The following ZNF831 variants were observed in gnomAD, a reference collection of about 807,000 sequenced individuals.
ZNF831 encodes the protein chromosome 20 open reading frame 174.
Under a neutral mutation model 95.8 loss-of-function variants are expected in ZNF831, and 59 were observed. That is an observed-to-expected ratio of 0.62 (90% CI 0.50 to 0.77). ZNF831 has a LOEUF of 0.77. Ranked by LOEUF, ZNF831 falls within the 30% of genes least tolerant of loss-of-function variation. The probability of loss-of-function intolerance (pLI) is 0.00; values close to 1 mark genes in which losing one functional copy is unlikely to be tolerated. For missense variants in ZNF831, 2,205 were observed against 2,164.0 expected (o/e 1.02, Z -0.38); for synonymous variants, 961 against 925.5 (o/e 1.04, Z -0.70).
At position 59,253,086 on chromosome 20, in the gene ZNF831, C is replaced by T. The variant is rs1351858351; in HGVS notation, c.4136C>T (p.Ser1379Phe). 2 of 1,614,012 alleles carry T rather than the reference C, an allele frequency of 1.2e-6. No homozygotes were observed. The highest frequency in any genetic ancestry group is 1.7e-5 in the Admixed American group (1 of 60,008). ...TGCAGACAAACCTTAGGAACCCTCT[C>T]TCTTGGTACAAGTTCAAGAATTGTC... ...GDCRQTLGTL[S>F]LGTSSRIVRE... is the part of the protein sequence containing the mutation. The change falls in exon 5 of 6, where the codon TCT becomes TTT. Residue 1379 changes from serine to phenylalanine, a missense_variant. Physicochemically the swap from Ser to Phe is radical, Grantham distance 155 (BLOSUM62 -2). Transcript: ENST00000371030.
chr20:59,172,681 C>T (rs569642415), intron 1 of ZNF831, among the ~76,000 whole-genome samples: 1 of 152,300 alleles, frequency 6.6e-6, no homozygotes. Context: ...TTCCAGATTT[C>T]AGTCAACCAA....
chr20:59,144,828 G>C (rs941026954), intron 1 of ZNF831, among the ~76,000 whole-genome samples: 2 of 152,180 alleles, frequency 1.3e-5, no homozygotes, highest in Non-Finnish European at 2.9e-5. Context: ...TCAGGCTTCT[G>C]TTCTTCTGCC....
intron 4 of ZNF831, among the ~76,000 whole-genome samples, chr20:59,231,993 T>A (rs1225352455): frequency 6.6e-6 from 1 of 152,216 alleles, no homozygotes; most frequent in Non-Finnish European, 1.5e-5. Flanking sequence ...TATTTGTATA[T>A]ATTTTGCTGT....
intron 4 of ZNF831, among the ~76,000 whole-genome samples, chr20:59,210,664 C>T (rs1985236927): frequency 6.6e-6 from 1 of 152,200 alleles, no homozygotes; most frequent in South Asian, 2.1e-4. Context: ...TCCCTTCAGC[C>T]TCAGGGAAGG....
rs1301425801 is a variant in ZNF831, at chr20:59,192,175, G to A, written c.1156G>A (p.Ala386Thr). 3 of 1,563,092 alleles carry A rather than the reference G, an allele frequency of 1.9e-6. No homozygotes were observed. The highest frequency in any genetic ancestry group is 1.2e-5 in the South Asian group (1 of 85,232). The change falls in exon 2 of 6, where the codon GCA becomes ACA. Residue 386 changes from alanine to threonine, a missense_variant. Physicochemically the swap from Ala to Thr is moderately conservative, Grantham distance 58 (BLOSUM62 0). Transcript: ENST00000371030. This position sits in a 1 kb window ranked among gnomAD's most constrained non-coding sequence, Gnocchi z 5.2. Reference sequence around the variant, plus strand: ...CGGCCCGGGCCCGGGGCCAGGGGTCGCAGGGGCCGAGCCCGGGGCGCGAGA... The same window carrying A: ...CGGCCCGGGCCCGGGGCCAGGGGTCACAGGGGCCGAGCCCGGGGCGCGAGA... Reference protein sequence around the residue: ...EGGPGPGPGVAGAEPGAREAG... With the variant: ...EGGPGPGPGVTGAEPGAREAG...
Position 59,193,937 on chromosome 20 carries a change from C to T in ZNF831, c.2918C>T (p.Pro973Leu), listed in dbSNP as rs566516260. Residue 973 changes from proline to leucine, a missense_variant, in exon 2 of 6, where the codon CCT becomes CTT. By Grantham distance (98) the Pro-to-Leu change is moderately conservative. Transcript: ENST00000371030. ...GACTCTCTCTGCAGCAGTGGGTGGC[C>T]TGAAGAACGGGCATCATTTGTTGGG... ...SQDSLCSSGW[P>L]EERASFVGSG... is the part of the protein sequence containing the mutation. 1 of 1,588,244 alleles carries T rather than the reference C, an allele frequency of 6.3e-7. No homozygotes were observed. Among genetic ancestry groups the T allele is most frequent in the Admixed American group, 1.7e-5 (1 of 57,248 alleles).
chr20:59,223,226 G>A (rs1001339038), intron 4 of ZNF831, among the ~76,000 whole-genome samples: 1 of 152,118 alleles, frequency 6.6e-6, no homozygotes, highest in African/African-American at 2.4e-5. Flanking sequence ...GGTGCCGAAG[G>A]CTCTATTGGG....
intron 1 of ZNF831, among the ~76,000 whole-genome samples, chr20:59,188,904 G>A (rs556524403): frequency 3.9e-5 from 6 of 152,250 alleles, no homozygotes; most frequent in Admixed American, 3.9e-4. Flanking sequence ...ATTGCAGCCG[G>A]GTGTGGTGGC....
intron 1 of ZNF831, among the ~76,000 whole-genome samples, chr20:59,125,934 A>C (rs144937682): frequency 6.6e-6 from 1 of 152,140 alleles, no homozygotes; most frequent in East Asian, 1.9e-4. Context: ...ACTTGGGCCC[A>C]CCAGGTGGGT....
Position 59,191,402 on chromosome 20 carries a change from T to G in ZNF831, c.383T>G (p.Leu128Arg), listed in dbSNP as rs768759729. The G allele has an allele frequency of 1.2e-6, 2 of 1,610,240 alleles. No individual in the cohort carries two copies. Among genetic ancestry groups the G allele is most frequent in the South Asian group, 2.2e-5 (2 of 90,646 alleles). Residue 128 changes from leucine (L) to arginine (R), a missense_variant, in exon 2 of 6, where the codon CTG (leucine) becomes CGG (arginine). Leu to Arg is a moderately radical substitution (Grantham distance 102). Transcript: ENST00000371030. ...VGTLPVLSPGLGPTLGSPGKV... is the reference protein window; with the variant it reads ...VGTLPVLSPGRGPTLGSPGKV... ...ACTCTGCCTGTCCTGTCGCCGGGCC[T>G]GGGCCCCACGCTGGGCAGCCCAGGC...
intron 4 of ZNF831, among the ~76,000 whole-genome samples, chr20:59,232,985 G>A (rs1197767785): frequency 7.1e-6 from 1 of 141,184 alleles, no homozygotes; most frequent in Non-Finnish European, 1.5e-5. Context: ...TATAGGTGAG[G>A]ACCCTGAGGC....
upstream of ZNF831, chr20:59,160,937 A>G (rs1184740036): frequency 2.6e-5 from 4 of 152,182 alleles, no homozygotes. Flanking sequence ...CCTTCAGAAA[A>G]AAGGGCCTGA....
At chr20:59,176,473 T>TA (rs932259399) in intron 1 of ZNF831, among the ~76,000 whole-genome samples, 5 of 152,052 alleles carry the variant, frequency 3.3e-5, no homozygotes, top group Non-Finnish European at 7.4e-5. Flanking sequence ...GTACCTTAAT[T>TA]AAAAAAATAC....
intron 1 of ZNF831, among the ~76,000 whole-genome samples, chr20:59,131,496 C>T (rs915407167): frequency 5.3e-5 from 8 of 152,194 alleles, no homozygotes; most frequent in African/African-American, 1.9e-4. Flanking sequence ...TGATACATGC[C>T]AGTGTGTCTG....
At chr20:59,151,249 G>C (rs947735703) in intron 2 of ZNF831, among the ~76,000 whole-genome samples, 1 of 152,162 alleles carries the variant, frequency 6.6e-6, no homozygotes, top group Non-Finnish European at 1.5e-5. Context: ...TGTATTCCCA[G>C]CAAGCCACAT....
At chr20:59,127,649 G>A (rs1432568592) in intron 1 of ZNF831, among the ~76,000 whole-genome samples, 2 of 152,090 alleles carry the variant, frequency 1.3e-5, no homozygotes. Flanking sequence ...ATTTTCCAGC[G>A]TGATGGTTTT....
In ZNF831 at chr20:59,257,313, A is replaced by G. The variant is rs1465700055; in HGVS notation, c.*2570A>G. ...ACTTTATATCAACATGAATTTGTGA[A>G]AAAGCTGTATGTCAATGGATTTTTT... On this transcript the variant is annotated 3_prime_UTR_variant, in exon 6 of 6. Coordinates refer to ENST00000371030, the MANE Select transcript of ZNF831 (RefSeq NM_178457.3). 6.6e-6 allele frequency: 1 copy of G among 152,248 alleles called. No individual in the cohort carries two copies. The highest frequency in any genetic ancestry group is 2.4e-5 in the African/African-American group (1 of 41,456). The allele number at this position is 152,248 out of a possible 1,614,324, so 9.4% of individuals were successfully genotyped here. A position where few individuals can be genotyped will look rare whatever the true frequency, so the allele number is the denominator to read the frequency against.
At chr20:59,195,320 AC>A (rs1984004864) in intron 2 of ZNF831, among the ~76,000 whole-genome samples, 1 of 152,226 alleles carries the variant, frequency 6.6e-6, no homozygotes, top group Non-Finnish European at 1.5e-5. Flanking sequence ...GAGGGGGTTC[AC>A]GCACCTGGTT....
chr20:59,253,874 T>TTTTTC (rs1568800151), intron 5 of ZNF831, 24 bp from the exon 6 acceptor site: 16 of 824,558 alleles, frequency 1.9e-5, no homozygotes, highest in East Asian at 1.1e-4. Flanking sequence ...CCCCACTTTT[T>TTTTTC]TTTTCCTTTG....
Sources: gnomAD v4.1 joint callset for allele counts (sites outside exome capture counted in the v4.1 genomes callset) on GRCh38, gnomAD v4.1.1 for gene constraint, Gnocchi (gnomAD v3.1) non-coding constraint, MANE v1.5 for transcripts, NCBI Gene and HGNC (gene_info 2026-07-23, HGNC 2026-07-21) for gene names.